The following RBFOX1 variants were observed in gnomAD, a reference collection of about 807,000 sequenced individuals.
The protein encoded by RBFOX1 is RNA binding protein fox-1 homolog 1.
In RBFOX1, 8 loss-of-function variants were observed where a neutral mutation model predicts 57.7. The ratio of observed to expected loss-of-function variants is 0.14; its 90% CI spans 0.08 to 0.25. RBFOX1 has a LOEUF of 0.25. Ranked by LOEUF, RBFOX1 falls within the 10% of genes least tolerant of loss-of-function variation. The pLI, the probability that RBFOX1 is intolerant of heterozygous loss-of-function variation, is 1.00. For missense variants in RBFOX1, 611 were observed against 548.5 expected (o/e 1.11, Z -1.14); for synonymous variants, 326 against 222.4 (o/e 1.47, Z -4.15).
At chr16:5,844,294 G>A (rs2056696425) in intron 3 of RBFOX1, among the ~76,000 whole-genome samples, 1 of 152,164 alleles carries the variant, frequency 6.6e-6, no homozygotes, top group Admixed American at 6.5e-5. Flanking sequence ...AAAACTGCCG[G>A]CAAGAAATGA....
At chr16:6,167,649 C>G (rs981527111) in intron 1 of RBFOX1, among the ~76,000 whole-genome samples, 1 of 152,158 alleles carries the variant, frequency 6.6e-6, no homozygotes, top group Admixed American at 6.6e-5. Context: ...ATAACTTGCC[C>G]TTTAGTCACT....
At chr16:6,085,631 G>T (rs1481881519) in intron 1 of RBFOX1, among the ~76,000 whole-genome samples, 1 of 142,476 alleles carries the variant, frequency 7.0e-6, no homozygotes, top group Admixed American at 7.2e-5. Context: ...AGGCAGGCAG[G>T]AGAAGTAGCA....
chr16:7,474,571 G>A (rs957430607), intron 4 of RBFOX1, among the ~76,000 whole-genome samples: 26 of 152,254 alleles, frequency 1.7e-4, no homozygotes, highest in African/African-American at 6.0e-4. Flanking sequence ...TTTTAAAATG[G>A]CAAAATTAAA....
chr16:6,276,991 C>T (rs1323242780), intron 1 of RBFOX1, among the ~76,000 whole-genome samples: 1 of 152,004 alleles, frequency 6.6e-6, no homozygotes, highest in East Asian at 1.9e-4. Context: ...TGTACATTTC[C>T]AGAAGAAATG....
At chr16:6,798,828 C>A (rs1196777898) in intron 3 of RBFOX1, among the ~76,000 whole-genome samples, 2 of 152,150 alleles carry the variant, frequency 1.3e-5, no homozygotes, top group South Asian at 2.1e-4. Context: ...ATTGTGTTCC[C>A]TAGGATGCTT....
chr16:5,894,111 G>A (rs2058104549), intron 4 of RBFOX1, among the ~76,000 whole-genome samples: 1 of 152,066 alleles, frequency 6.6e-6, no homozygotes, highest in South Asian at 2.1e-4. Flanking sequence ...AGATATGCAT[G>A]GGGATGATTT....
chr16:6,905,975 A>G (rs549919890), intron 3 of RBFOX1, among the ~76,000 whole-genome samples: 11 of 152,292 alleles, frequency 7.2e-5, no homozygotes, highest in South Asian at 2.1e-4. Context: ...GCCAGGCTGC[A>G]GGGTCCTTCT....
chr16:7,421,045 A>T (rs535570714), intron 4 of RBFOX1, among the ~76,000 whole-genome samples: 1 of 152,008 alleles, frequency 6.6e-6, no homozygotes, highest in East Asian at 1.9e-4. Flanking sequence ...TTGATGAACC[A>T]TACCTGACTC....
chr16:6,562,571 A>T (rs1286402677), intron 2 of RBFOX1, among the ~76,000 whole-genome samples: 1 of 152,202 alleles, frequency 6.6e-6, no homozygotes, highest in Admixed American at 6.5e-5. Context: ...GTAATTGGAT[A>T]TTTCACTAAT....
At chr16:7,221,037 TCTAA>T (rs2092689287) in intron 4 of RBFOX1, among the ~76,000 whole-genome samples, 1 of 152,158 alleles carries the variant, frequency 6.6e-6, no homozygotes, top group Admixed American at 6.5e-5. Context: ...AGATGTACTG[TCTAA>T]CTAGTAGAGG....
intron 3 of RBFOX1, among the ~76,000 whole-genome samples, chr16:6,942,555 C>G (rs1007738181): frequency 6.6e-6 from 1 of 152,056 alleles, no homozygotes; most frequent in African/African-American, 2.4e-5. Context: ...GTGGAAGCAT[C>G]AAGAAGACAA....
intron 3 of RBFOX1, among the ~76,000 whole-genome samples, chr16:6,710,001 C>G (rs181626816): frequency 6.6e-6 from 1 of 152,250 alleles, no homozygotes; most frequent in Admixed American, 6.5e-5. Context: ...AAATGAGATA[C>G]AGGTAACCTA....
rs148624951 is a variant in RBFOX1, at chr16:6,147,751, A to G, written c.-127+127759A>G. Among the ~76,000 whole-genome samples, 492 of 152,324 alleles carry G rather than the reference A, an allele frequency of 3.2e-3. 9 individuals carry two copies. Among genetic ancestry groups the G allele is most frequent in the Non-Finnish European group, 1.2e-3 (83 of 68,038 alleles). On this transcript the variant is annotated intron_variant, in intron 1 of 15. Transcript: ENST00000550418. ...CAGTCCTCGCACCAAAATCTTTCCC[A>G]AGTTTGTAATTGGTGTCACCATCCA...
At chr16:5,295,295 AT>A (rs747017451) in intron 1 of RBFOX1, among the ~76,000 whole-genome samples, 11 of 152,230 alleles carry the variant, frequency 7.2e-5, no homozygotes, top group Non-Finnish European at 1.3e-4. Context: ...CAGGTTCTGC[AT>A]TTCCCTCAGT....
At chr16:6,608,580 G>A (rs941247620) in intron 2 of RBFOX1, among the ~76,000 whole-genome samples, 2 of 152,140 alleles carry the variant, frequency 1.3e-5, no homozygotes, top group Non-Finnish European at 2.9e-5. Context: ...CTTGAGACCA[G>A]GAGTTTGAGA....
chr16:6,616,467 G>A (rs922936429), intron 2 of RBFOX1, among the ~76,000 whole-genome samples: 43 of 152,150 alleles, frequency 2.8e-4, no homozygotes, highest in African/African-American at 1.0e-3. Flanking sequence ...ACGAGGTCAG[G>A]AGATCGAGAC....
intron 4 of RBFOX1, among the ~76,000 whole-genome samples, chr16:7,157,504 G>A (rs767090655): frequency 1.3e-5 from 2 of 152,038 alleles, no homozygotes; most frequent in Admixed American, 1.3e-4. Flanking sequence ...ATTCGTTGGG[G>A]GCCTGTGGAA....
intron 3 of RBFOX1, among the ~76,000 whole-genome samples, chr16:6,754,748 C>G (rs2154193995): frequency 6.6e-6 from 1 of 152,030 alleles, no homozygotes; most frequent in Admixed American, 6.6e-5. Flanking sequence ...TACATGTGCA[C>G]AATGTGCAGG....
At chr16:6,591,336 C>T (rs987002133) in intron 2 of RBFOX1, among the ~76,000 whole-genome samples, 1 of 152,056 alleles carries the variant, frequency 6.6e-6, no homozygotes, top group African/African-American at 2.4e-5. Context: ...TGCCTGTAGT[C>T]CCAGCTACTT....
Sources: gnomAD v4.1 joint callset for allele counts (sites outside exome capture counted in the v4.1 genomes callset) on GRCh38, gnomAD v4.1.1 for gene constraint, MANE v1.5 for transcripts, NCBI Gene and HGNC (gene_info 2026-07-23, HGNC 2026-07-21) for gene names.